CNTNAP4: variants seen among roughly 807,000 people sequenced by gnomAD.
CNTNAP4 encodes the protein contactin associated protein family member 4.
Under a neutral mutation model 148.4 loss-of-function variants are expected in CNTNAP4, and 98 were observed. The ratio of observed to expected loss-of-function variants is 0.66; its 90% confidence interval spans 0.56 to 0.78. The LOEUF is 0.78. Among genes scored for constraint, CNTNAP4 ranks in the 30% least tolerant of loss-of-function variants. The pLI, the probability that CNTNAP4 is intolerant of heterozygous loss-of-function variation, is 0.00. For synonymous variants in CNTNAP4, 730 were observed against 565.1 expected (o/e 1.29, Z -4.14); for missense variants, 1,935 against 1,565.6 (o/e 1.24, Z -3.98).
chr16:76,369,159 A>G (rs555813965), intron 3 of CNTNAP4, among the ~76,000 whole-genome samples: 1 of 152,254 alleles, frequency 6.6e-6, no homozygotes, highest in South Asian at 2.1e-4. Context: ...AACACATCCT[A>G]AAAGATTGGA....
At chr16:76,475,382 G>C (rs916112612) in intron 10 of CNTNAP4, among the ~76,000 whole-genome samples, 6 of 152,194 alleles carry the variant, frequency 3.9e-5, no homozygotes, top group Non-Finnish European at 4.4e-5. Flanking sequence ...GAGTATGACA[G>C]ATATTTCTCT....
chr16:76,352,861 C>G (rs2012004579), intron 2 of CNTNAP4, among the ~76,000 whole-genome samples: 1 of 152,078 alleles, frequency 6.6e-6, no homozygotes, highest in African/African-American at 2.4e-5. Flanking sequence ...TCAGATCATT[C>G]AAGAACACAT....
chr16:76,340,472 C>G (rs1964375745), intron 2 of CNTNAP4, among the ~76,000 whole-genome samples: 2 of 152,144 alleles, frequency 1.3e-5, no homozygotes, highest in East Asian at 1.9e-4. Flanking sequence ...AGCACCACCA[C>G]CCAGAATGTT....
At chr16:76,402,107 C>T (rs774669235) in intron 3 of CNTNAP4, among the ~76,000 whole-genome samples, 38 of 152,258 alleles carry the variant, frequency 2.5e-4, no homozygotes, top group African/African-American at 8.2e-4. Context: ...GAAATCATAT[C>T]ATTGGGAATG....
intron 12 of CNTNAP4, among the ~76,000 whole-genome samples, chr16:76,481,498 A>G (rs915408492): frequency 2.6e-5 from 4 of 152,108 alleles, no homozygotes; most frequent in African/African-American, 9.7e-5. Context: ...TGGGCAACAT[A>G]GTGAGACCCC....
rs1455876902 is a variant in CNTNAP4 at position 76,425,943 on chromosome 16, T to C, written c.391-1509T>C. Among the ~76,000 whole-genome samples, 11 of 152,240 alleles carry C rather than the reference T, an allele frequency of 7.2e-5. No individual in the cohort carries two copies. The East Asian group carries it at 2.1e-3, about 29-fold the overall frequency. On this transcript the variant is annotated intron_variant, in intron 3 of 23. Transcript: ENST00000611870. ...TCAGAGGGGAAGACATTGGGGGTGA[T>C]GGCAAAGAACAAAATAATAATAAAG...
At chr16:76,470,480 A>C (rs12925832) in intron 10 of CNTNAP4, among the ~76,000 whole-genome samples, 58,401 of 94,942 alleles carry the variant, frequency 0.62, 15,359 homozygotes, top group Admixed American at 0.67. Context: ...GTCTCTACTA[A>C]TAATATATAT....
chr16:76,375,412 G>C (rs1411485554), intron 3 of CNTNAP4, among the ~76,000 whole-genome samples: 2 of 152,118 alleles, frequency 1.3e-5, no homozygotes, highest in Non-Finnish European at 2.9e-5. Flanking sequence ...ACAGAGCAAG[G>C]CTGTCTCAGA....
intron 17 of CNTNAP4, among the ~76,000 whole-genome samples, chr16:76,528,921 G>A (rs765107987): frequency 2.6e-5 from 4 of 152,128 alleles, no homozygotes; most frequent in African/African-American, 4.8e-5. Flanking sequence ...AATCCCTGAC[G>A]TTTCAAATAT....
intron 12 of CNTNAP4, among the ~76,000 whole-genome samples, chr16:76,483,806 A>C (rs1272353616): frequency 1.3e-5 from 2 of 152,184 alleles, no homozygotes; most frequent in African/African-American, 4.8e-5. Flanking sequence ...AAATTTTTGC[A>C]GCTCTGTTTG....
intron 3 of CNTNAP4, among the ~76,000 whole-genome samples, chr16:76,363,874 AT>A (rs1334120947): frequency 1.2e-4 from 19 of 152,138 alleles, no homozygotes; most frequent in Admixed American, 1.2e-3. Flanking sequence ...ATCTGTGCAC[AT>A]TCTATAGCAT....
chr16:76,312,696 C>T (rs1011987100), intron 1 of CNTNAP4, among the ~76,000 whole-genome samples: 1 of 152,118 alleles, frequency 6.6e-6, no homozygotes, highest in South Asian at 2.1e-4. Context: ...TAATTATAGT[C>T]ATGGTATTCT....
intron 3 of CNTNAP4, among the ~76,000 whole-genome samples, chr16:76,383,598 T>G (rs143469453): frequency 6.6e-6 from 1 of 152,150 alleles, no homozygotes; most frequent in Non-Finnish European, 1.5e-5. Context: ...TAAACAATAT[T>G]GCATACACTT....
At chr16:76,470,042 A>G (rs767309893) in intron 10 of CNTNAP4, among the ~76,000 whole-genome samples, 1 of 152,170 alleles carries the variant, frequency 6.6e-6, no homozygotes, top group African/African-American at 2.4e-5. Context: ...AGCACTTAAG[A>G]TGAATGAGCA....
chr16:76,416,838 C>T (rs1240949443), intron 3 of CNTNAP4, among the ~76,000 whole-genome samples: 1 of 151,336 alleles, frequency 6.6e-6, no homozygotes, highest in Non-Finnish European at 1.5e-5. Context: ...ATGGACTTCT[C>T]TGTTTTTAAC....
chr16:76,289,494 C>T (rs1959023354), intron 1 of CNTNAP4, among the ~76,000 whole-genome samples: 1 of 150,680 alleles, frequency 6.6e-6, no homozygotes, highest in Non-Finnish European at 1.5e-5. Context: ...TGCCTACAAA[C>T]ATATGCAAGA....
chr16:76,345,105 G>C (rs546150445), intron 2 of CNTNAP4, among the ~76,000 whole-genome samples: 1 of 152,244 alleles, frequency 6.6e-6, no homozygotes, highest in East Asian at 1.9e-4. Context: ...ACCTTTTACT[G>C]ACTGGGCCCC....
At chr16:76,470,235 G>C (rs1042595796) in intron 10 of CNTNAP4, among the ~76,000 whole-genome samples, 2 of 152,098 alleles carry the variant, frequency 1.3e-5, no homozygotes, top group African/African-American at 2.4e-5. Flanking sequence ...ATGTTTGCCT[G>C]CCATGCCATG....
At chr16:76,430,671 CCT>C (rs553756841) in intron 4 of CNTNAP4, among the ~76,000 whole-genome samples, 180 of 152,274 alleles carry the variant, frequency 1.2e-3, no homozygotes, top group African/African-American at 4.2e-3. Context: ...GCCATCCTCC[CCT>C]GTCTGTGCCT....
Sources: gnomAD v4.1 joint callset for allele counts (sites outside exome capture counted in the v4.1 genomes callset) on GRCh38, gnomAD v4.1.1 for gene constraint, MANE v1.5 for transcripts, NCBI Gene and HGNC (gene_info 2026-07-23, HGNC 2026-07-21) for gene names.